The following PIEZO1 variants were observed in gnomAD, a reference collection of about 807,000 sequenced individuals.
PIEZO1 encodes the protein piezo-type mechanosensitive ion channel component 1.
A neutral mutation model predicts 297.2 loss-of-function variants in PIEZO1; 296 were observed. The ratio of observed to expected loss-of-function variants is 1.00; its 90% CI spans 0.91 to 1.10. The LOEUF (loss-of-function observed/expected upper bound fraction) is 1.10. Among genes scored for constraint, PIEZO1 ranks in the 50% least tolerant of loss-of-function variants. The pLI, the probability that PIEZO1 is intolerant of heterozygous loss-of-function variation, is 0.00. For synonymous variants in PIEZO1, 2,427 were observed against 1,507.5 expected, an observed-to-expected ratio of 1.61 and a Z score of -14.13; for missense variants, 5,018 against 3,455.5, an observed-to-expected ratio of 1.45 and a Z score of -11.34.
At position 88,725,476 on chromosome 16, in the gene PIEZO1, G is replaced by A. The variant is rs908665504; in HGVS notation, c.4102C>T (p.Arg1368Trp). The change falls in exon 29 of 51, where the codon CGG (arginine) becomes TGG (tryptophan). Residue 1368 changes from arginine to tryptophan, a missense_variant. Arg to Trp is a moderately radical substitution (Grantham distance 101). Coordinates refer to ENST00000301015, the MANE Select transcript of PIEZO1 (RefSeq NM_001142864.4). ...TCCTGGGGGCGACTGCGGTCCACCC[G>A]GCCCTGCCTGTGCTTCTCCTGCTTG... ...RAKQEKHRQGRVDRSRPQDTL... is the reference protein window; with the variant it reads ...RAKQEKHRQGWVDRSRPQDTL... 3.4e-5 allele frequency: 52 copies of A among 1,521,192 alleles called. No individual in the cohort carries two copies. Among genetic ancestry groups the A allele is most frequent in the Non-Finnish European group, 4.5e-5 (51 of 1,130,506 alleles). The allele number at this position is 1,521,192 out of a possible 1,614,324, so 94.2% of individuals were successfully genotyped here.
intron 40 of PIEZO1, 35 bp downstream of exon 40, chr16:88,720,581 C>G (rs759613239): frequency 7.1e-6 from 11 of 1,543,080 alleles, no homozygotes; most frequent in African/African-American, 1.4e-5. Context: ...CTCCCCACCC[C>G]CACTCCCCAG....
chr16:88,723,898 C>G lies in PIEZO1; in HGVS notation c.4308G>C (p.Pro1436=), dbSNP rs181738637. 2 of 1,548,278 alleles carry G rather than the reference C, an allele frequency of 1.3e-6. No individual in the cohort carries two copies. The highest frequency in any genetic ancestry group is 8.7e-7 in the Non-Finnish European group (1 of 1,144,936). Residue 1436 remains proline, a synonymous_variant, in exon 31 of 51, where the codon CCG becomes CCC. Transcript: ENST00000301015. ...GGAAGGCACTCTGTGCCGACGGCCT[C>G]GGGTCTTCAGGAACAGCCTCCTCCT... ...EEEEEAVPED[P]RPSAQSAFQL...
chr16:88,775,409 T>C (rs1427469068), intron 1 of PIEZO1, among the ~76,000 whole-genome samples: 4 of 152,102 alleles, frequency 2.6e-5, no homozygotes, highest in Non-Finnish European at 5.9e-5. Context: ...CCGGGCTTCA[T>C]CTGAATGAAA....
chr16:88,756,843 G>A (rs867351878), intron 1 of PIEZO1, among the ~76,000 whole-genome samples: 22 of 152,216 alleles, frequency 1.4e-4, no homozygotes, highest in Admixed American at 2.0e-4. Context: ...TTGGGAGGCC[G>A]AGGCGGGCAG....
chr16:88,734,041 T>A lies in PIEZO1; in HGVS notation c.2194A>T (p.Ser732Cys), dbSNP rs1182612056. Residue 732 changes from serine (S) to cysteine (C), a missense_variant, in exon 17 of 51, where the codon AGT (serine) becomes TGT (cysteine). Transcript: ENST00000301015. ...PRWAHRQDAV[S>C]GTPLLREEQQ... Reference sequence around the variant, plus strand: ...TCCTCCCGCAGCAGTGGGGTCCCACTCACTGCATCCTGCCTGGGAGAGGGT... The same window carrying A: ...TCCTCCCGCAGCAGTGGGGTCCCACACACTGCATCCTGCCTGGGAGAGGGT... 29 of 1,529,084 alleles carry A rather than the reference T, an allele frequency of 1.9e-5. No individual in the cohort carries two copies. Among genetic ancestry groups the A allele is most frequent in the Non-Finnish European group, 2.5e-5 (28 of 1,134,362 alleles). The allele number at this position is 1,529,084 out of a possible 1,614,324, so 94.7% of individuals were successfully genotyped here. A position where few individuals can be genotyped will look rare whatever the true frequency, so the allele number is the denominator to read the frequency against.
At chr16:88,748,844 G>A (rs908710107) in intron 2 of PIEZO1, among the ~76,000 whole-genome samples, 3 of 148,744 alleles carry the variant, frequency 2.0e-5, no homozygotes, top group African/African-American at 7.4e-5. Flanking sequence ...GGGATGCGAG[G>A]ATTACTTGAA....
chr16:88,725,093 A>G lies in PIEZO1; in HGVS notation c.4163-13T>C. 6.6e-7 allele frequency: 1 copy of G among 1,504,106 alleles called. No individual in the cohort carries two copies. Among genetic ancestry groups the G allele is most frequent in the Non-Finnish European group, 8.9e-7 (1 of 1,128,682 alleles). 93.2% of individuals were successfully genotyped at this position (1,504,106 alleles called of 1,614,324 possible). On this transcript the variant is annotated splice_polypyrimidine_tract_variant and intron_variant, in intron 29 of 50. Transcript: ENST00000301015. The stretch of plus-strand genomic sequence containing the variant: ...GGACTGTCGGGCCCTGTGGAGGGGC[A>G]GGGTGAGCATGAGGCAGCAGTCAAG...
chr16:88,746,023 T>A (rs4782402), intron 2 of PIEZO1, among the ~76,000 whole-genome samples: 1 of 151,234 alleles, frequency 6.6e-6, no homozygotes, highest in Non-Finnish European at 1.5e-5. Flanking sequence ...GAGTGTGGAG[T>A]TGCCCTGAGT....
At position 88,737,714 on chromosome 16, in the gene PIEZO1, G is replaced by T; in HGVS notation, c.1107+14C>A. On this transcript the variant is annotated intron_variant, in intron 9 of 50. Transcript: ENST00000301015. ...GCCCCCCACGCTGGCGTCTCCACCTGCCTGGCTGCTCACCTGGTCAGACTC... is the reference window on the plus strand; with the variant it reads ...GCCCCCCACGCTGGCGTCTCCACCTTCCTGGCTGCTCACCTGGTCAGACTC... 6.5e-7 allele frequency: 1 copy of T among 1,534,980 alleles called. No individual in the cohort carries two copies. The highest frequency in any genetic ancestry group is 1.2e-5 in the South Asian group (1 of 84,048).
In PIEZO1 at chr16:88,741,456, C is replaced by A. The variant is rs896724097; in HGVS notation, c.465+22G>T. On this transcript the variant is annotated intron_variant, in intron 5 of 50. Coordinates refer to ENST00000301015, the MANE Select transcript of PIEZO1 (RefSeq NM_001142864.4). ...GCTCTCGAATGACCTCCCTGACACA[C>A]GGGTGACGCAGCTGCCCTCACCAGC... 5 of 1,524,062 alleles carry A rather than the reference C, an allele frequency of 3.3e-6. No individual in the cohort carries two copies. The East Asian group carries it at 9.8e-5, about 30-fold the overall frequency. 94.4% of individuals were successfully genotyped at this position (1,524,062 alleles called of 1,614,324 possible). A position where few individuals can be genotyped will look rare whatever the true frequency, so the allele number is the denominator to read the frequency against.
intron 12 of PIEZO1, 95 bp from the exon 13 acceptor site, chr16:88,735,341 GCT>G (rs751068286): frequency 1.0e-4 from 86 of 860,140 alleles, no homozygotes; most frequent in Non-Finnish European, 1.6e-4. Context: ...GGGGGCAAGA[GCT>G]CTCAGGCGGC....
chr16:88,763,020 G>GC (rs750303228), intron 1 of PIEZO1, among the ~76,000 whole-genome samples: 14 of 152,222 alleles, frequency 9.2e-5, no homozygotes, highest in Non-Finnish European at 1.8e-4. Context: ...CATGGGGGTA[G>GC]CCCGTCCAGA....
chr16:88,746,078 T>C (rs1906039143), intron 2 of PIEZO1, among the ~76,000 whole-genome samples: 1 of 150,304 alleles, frequency 6.7e-6, no homozygotes. Context: ...ACCTGATCCA[T>C]GGGGTGTGCA....
Position 88,723,252 on chromosome 16 carries a change from T to G in PIEZO1, c.4412A>C (p.Gln1471Pro), listed in dbSNP as rs1260569461. 3.3e-6 allele frequency: 5 copies of G among 1,530,654 alleles called. No individual in the cohort carries two copies. The highest frequency in any genetic ancestry group is 4.4e-6 in the Non-Finnish European group (5 of 1,135,510). 94.8% of individuals were successfully genotyped at this position (1,530,654 alleles called of 1,614,324 possible). The change falls in exon 32 of 51, where the codon CAG (glutamine) becomes CCG (proline). Residue 1471 changes from glutamine (Q) to proline (P), a missense_variant. Physicochemically the swap from Gln to Pro is moderately conservative, Grantham distance 76 (BLOSUM62 -1). Coordinates refer to ENST00000301015, the MANE Select transcript of PIEZO1 (RefSeq NM_001142864.4). ...TGTGGGTAGCTGTCCTGCCTGTTCCTGCCTTGCCTGCTCCTGCTCCTGCTG... is the reference window on the plus strand; with the variant it reads ...TGTGGGTAGCTGTCCTGCCTGTTCCGGCCTTGCCTGCTCCTGCTCCTGCTG... ...RRQQEQEQAR[Q>P]EQAGQLPTGG...
At chr16:88,727,733 T>A in intron 22 of PIEZO1, 72 bp from the exon 23 acceptor site, 1 of 691,960 alleles carries the variant, frequency 1.4e-6, no homozygotes, top group Non-Finnish European at 2.3e-6. Context: ...CCCCACCCGT[T>A]GACCCGAGTC....
intron 1 of PIEZO1, among the ~76,000 whole-genome samples, chr16:88,778,656 C>T (rs117388809): frequency 0.011 from 1,691 of 152,290 alleles, 19 homozygotes; most frequent in South Asian, 0.032. Flanking sequence ...CCCATGGGCC[C>T]GGCACCAGCA....
intron 41 of PIEZO1, 49 bp from the exon 42 acceptor site, chr16:88,720,332 G>A: frequency 1.9e-6 from 3 of 1,549,976 alleles, no homozygotes; most frequent in Non-Finnish European, 2.6e-6. Flanking sequence ...CAGGGGATGT[G>A]GGTGGCTGCT....
chr16:88,779,680 T>C (rs1567490869), intron 1 of PIEZO1, among the ~76,000 whole-genome samples: 1 of 152,154 alleles, frequency 6.6e-6, no homozygotes, highest in African/African-American at 2.4e-5. Context: ...GGACGCGCTG[T>C]GTGTGCAGCA....
Position 88,738,114 on chromosome 16 carries a change from A to C in PIEZO1, c.849-9T>G, listed in dbSNP as rs1326564987. 1 of 1,535,678 alleles carries C rather than the reference A, an allele frequency of 6.5e-7. No homozygotes were observed. The highest frequency in any genetic ancestry group is 8.7e-7 in the Non-Finnish European group (1 of 1,146,840). On this transcript the variant is annotated splice_polypyrimidine_tract_variant and intron_variant, in intron 7 of 50. Coordinates refer to ENST00000301015, the MANE Select transcript of PIEZO1 (RefSeq NM_001142864.4). Reference sequence around the variant, plus strand: ...CCTTGAGACCCAGCACCCTGTCCAGAGAAGACCCGTCACAGCCTACCACCC... The same window carrying C: ...CCTTGAGACCCAGCACCCTGTCCAGCGAAGACCCGTCACAGCCTACCACCC...
Sources: allele counts gnomAD v4.1 joint callset (sites outside exome capture counted in the v4.1 genomes callset), GRCh38; gene constraint gnomAD v4.1.1; transcripts MANE v1.5; gene names NCBI Gene and HGNC (gene_info 2026-07-23, HGNC 2026-07-21).